Variants in NPNT observed in about 807,000 individuals in gnomAD.
The protein encoded by NPNT is nephronectin, also known as preosteoblast EGF-like repeat protein with MAM domain.
NPNT carries 45 observed loss-of-function variants against 68.6 expected under a neutral mutation model. The observed-to-expected ratio is 0.66, with a 90% CI of 0.52 to 0.84. The LOEUF (loss-of-function observed/expected upper bound fraction) is 0.84, where lower values mean the gene tolerates loss of function less well. Among genes scored for constraint, NPNT ranks in the 40% least tolerant of loss-of-function variants. NPNT has a pLI of 0.00. For synonymous variants in NPNT, 233 were observed against 253.3 expected, an observed-to-expected ratio of 0.92 and a Z score of 0.76; for missense variants, 672 against 714.8, an observed-to-expected ratio of 0.94 and a Z score of 0.68.
At chr4:105,921,131 T>G (rs1728227907) in intron 2 of NPNT, among the ~76,000 whole-genome samples, 1 of 152,220 alleles carries the variant, frequency 6.6e-6, no homozygotes, top group Non-Finnish European at 1.5e-5. Context: ...AAGAAGTATT[T>G]AAGTTATTTA....
chr4:105,898,340 C>CTCTG (rs1726099666), intron 2 of NPNT, among the ~76,000 whole-genome samples: 7 of 134,386 alleles, frequency 5.2e-5, no homozygotes, highest in African/African-American at 9.2e-5. Flanking sequence ...CTCTCTCTCT[C>CTCTG]TCTCTCTCTC....
At chr4:105,907,867 A>C (rs999688646) in intron 2 of NPNT, among the ~76,000 whole-genome samples, 2 of 152,164 alleles carry the variant, frequency 1.3e-5, no homozygotes, top group Non-Finnish European at 2.9e-5. Flanking sequence ...AATTATGGCC[A>C]TAATAGAATT....
chr4:105,940,172 C>T lies in NPNT; in HGVS notation c.603C>T (p.Phe201=), dbSNP rs771820185. The stretch of plus-strand genomic sequence containing the variant: ...ACATCTGCAAGTGTCATAAAGGCTT[C>T]GATCTCATGTATATTGGAGGCAAAT... ...GSYICKCHKG[F]DLMYIGGKYQ... The change falls in exon 6 of 12, where the codon TTC becomes TTT. Residue 201 remains phenylalanine, a synonymous_variant. Transcript: ENST00000379987. The T allele has an allele frequency of 1.2e-6, 2 of 1,613,198 alleles. No individual in the cohort carries two copies. Among genetic ancestry groups the T allele is most frequent in the Non-Finnish European group, 1.7e-6 (2 of 1,179,374 alleles).
chr4:105,949,198 G>A (rs1179559187), intron 8 of NPNT, among the ~76,000 whole-genome samples: 2 of 152,250 alleles, frequency 1.3e-5, no homozygotes, highest in East Asian at 3.9e-4. Context: ...TTAACTGTAG[G>A]ACTTCTCAAT....
Position 105,968,960 on chromosome 4 carries a change from GA to G in NPNT, c.1674del (p.Gly559AlafsTer68). 6.2e-7 allele frequency: 1 copy of G among 1,612,126 alleles called. No individual in the cohort carries two copies. Among genetic ancestry groups the G allele is most frequent in the Non-Finnish European group, 8.5e-7 (1 of 1,178,430 alleles). On this transcript the variant is annotated frameshift_variant, in exon 12 of 12. Transcript: ENST00000379987. LOFTEE classifies it high-confidence loss of function. ...GEIGLDDVSL[K>X]KGHCSEER Reference sequence around the variant, plus strand: ...AGATTGGATTAGATGATGTGAGCTTGAAAAAAGGCCACTGCTCTGAAGAACG... The same window carrying G: ...AGATTGGATTAGATGATGTGAGCTTGAAAAAGGCCACTGCTCTGAAGAACG...
intron 6 of NPNT, 78 bp from the exon 7 acceptor site, chr4:105,940,436 T>C: frequency 7.0e-7 from 1 of 1,436,024 alleles, no homozygotes; most frequent in Non-Finnish European, 9.6e-7. Flanking sequence ...AAAAATCATT[T>C]TTGAAACTGT....
At chr4:105,954,601 A>G (rs1310909132) in intron 8 of NPNT, among the ~76,000 whole-genome samples, 1 of 151,816 alleles carries the variant, frequency 6.6e-6, no homozygotes, top group African/African-American at 2.4e-5. Context: ...GCTCCTGCAC[A>G]CTCTGCCTCT....
rs1420639800 is a variant in NPNT, at chr4:105,930,532, TCAGGCC to T, written c.265+3107_265+3112del. ...GCAGATTAACTTAAACTGTTTTCAT[TCAGGCC>T]CACACATTTTAATAAAGTAGAAAAT... is the stretch of plus-strand genomic sequence containing the variant. On this transcript the variant is annotated intron_variant, in intron 3 of 11. Coordinates refer to ENST00000379987, the MANE Select transcript of NPNT (RefSeq NM_001033047.3). Among the ~76,000 whole-genome samples, 3 of 152,200 alleles carry T rather than the reference TCAGGCC, an allele frequency of 2.0e-5. No individual in the cohort carries two copies. The East Asian group carries it at 5.8e-4, about 29-fold the overall frequency.
chr4:105,909,390 G>C (rs571204457), intron 2 of NPNT, among the ~76,000 whole-genome samples: 3 of 152,272 alleles, frequency 2.0e-5, no homozygotes, highest in Non-Finnish European at 4.4e-5. Flanking sequence ...AAGACATTCT[G>C]ATGTACAGTT....
chr4:105,908,212 A>G (rs1727075102), intron 2 of NPNT, among the ~76,000 whole-genome samples: 1 of 151,880 alleles, frequency 6.6e-6, no homozygotes, highest in South Asian at 2.1e-4. Flanking sequence ...GGTAGATACT[A>G]GATGCCAGGG....
At chr4:105,912,536 A>C (rs1727453823) in intron 2 of NPNT, 1 of 825,100 alleles carries the variant, frequency 1.2e-6, no homozygotes, top group African/African-American at 1.8e-5. Flanking sequence ...TGTTTTTAAT[A>C]CTTAAGGAAG....
At position 105,969,752 on chromosome 4, in the gene NPNT, A is replaced by G. The variant is rs1332323994; in HGVS notation, c.*762A>G. ...AAAAATACATGGTGAAATGTCATCC[A>G]GTTCCATGACCTTATATTGGCAGCA... On this transcript the variant is annotated 3_prime_UTR_variant, in exon 12 of 12. Transcript: ENST00000379987. 6.6e-6 allele frequency: 1 copy of G among 152,330 alleles called. No homozygotes were observed. Among genetic ancestry groups the G allele is most frequent in the Admixed American group, 6.5e-5 (1 of 15,290 alleles). The allele number at this position is 152,330 out of a possible 1,614,324, so 9.4% of individuals were successfully genotyped here.
intron 7 of NPNT, among the ~76,000 whole-genome samples, chr4:105,941,912 A>G (rs1729987045): frequency 1.3e-5 from 2 of 152,038 alleles, no homozygotes; most frequent in African/African-American, 2.4e-5. Flanking sequence ...GATTCTAACT[A>G]TGCATTTCTT....
In NPNT at chr4:105,937,046, G is replaced by A. The variant is rs750249461; in HGVS notation, c.303G>A (p.Lys101=). The A allele has an allele frequency of 1.2e-5, 19 of 1,613,614 alleles. No individual in the cohort carries two copies. Among genetic ancestry groups the A allele is most frequent in the Non-Finnish European group, 1.4e-5 (17 of 1,179,658 alleles). The change falls in exon 4 of 12, where the codon AAG becomes AAA. Residue 101 remains lysine, a synonymous_variant. Coordinates refer to ENST00000379987, the MANE Select transcript of NPNT (RefSeq NM_001033047.3). ...GTGGCCTGAAGCCCCGGCCCTGTAA[G>A]CACAGGTGCATGAACACTTACGGCA... ...NECGLKPRPC[K]HRCMNTYGSY... is the part of the protein sequence containing the mutation.
At chr4:105,948,278 G>A (rs923342281) in intron 8 of NPNT, among the ~76,000 whole-genome samples, 1 of 152,166 alleles carries the variant, frequency 6.6e-6, no homozygotes, top group Admixed American at 6.5e-5. Context: ...GAATTAAGGG[G>A]TTTTAACCAC....
Position 105,897,910 on chromosome 4 carries a change from G to A in NPNT, c.81G>A (p.Arg27=). ...AAAEFDGRWP[R]QIVSSIGLCR... is the part of the protein sequence containing the mutation. The stretch of plus-strand genomic sequence containing the variant: ...TCTTTTTTTTTGGTAGGTGGCCCAG[G>A]CAAATAGTGTCATCGATTGGCCTAT... Residue 27 remains arginine (R), a synonymous_variant, in exon 2 of 12, where the codon AGG becomes AGA. Coordinates refer to ENST00000379987, the MANE Select transcript of NPNT (RefSeq NM_001033047.3). The A allele has an allele frequency of 6.2e-7, 1 of 1,612,788 alleles. No individual in the cohort carries two copies.
Position 105,942,466 on chromosome 4 carries a change from A to G in NPNT, c.923A>G (p.Asn308Ser). 2 of 1,613,974 alleles carry G rather than the reference A, an allele frequency of 1.2e-6. No individual in the cohort carries two copies. Among genetic ancestry groups the G allele is most frequent in the African/African-American group, 1.3e-5 (1 of 74,996 alleles). The stretch of plus-strand genomic sequence containing the variant: ...CCATATATTCCTCCTATCATTACCA[A>G]CAGGCCTACTTCTAAGCCAACAACA... ...KTPYIPPIITNRPTSKPTTRP... is the reference protein window; with the variant it reads ...KTPYIPPIITSRPTSKPTTRP... The change falls in exon 8 of 12, where the codon AAC (asparagine) becomes AGC (serine). Residue 308 changes from asparagine (N) to serine (S), a missense_variant. Physicochemically the swap from Asn to Ser is conservative, Grantham distance 46. Coordinates refer to ENST00000379987, the MANE Select transcript of NPNT (RefSeq NM_001033047.3).
At chr4:105,906,823 G>A (rs998738699) in intron 2 of NPNT, among the ~76,000 whole-genome samples, 1 of 152,126 alleles carries the variant, frequency 6.6e-6, no homozygotes, top group Non-Finnish European at 1.5e-5. Context: ...TATCAATTTT[G>A]TATCCATTGG....
At chr4:105,898,115 G>A in intron 2 of NPNT, 114 bp downstream of exon 2, 2 of 671,700 alleles carry the variant, frequency 3.0e-6, no homozygotes, top group Non-Finnish European at 5.0e-6. Context: ...TGGCCTTGCA[G>A]GTCTGACTTG....
Sources: gnomAD v4.1 joint callset for allele counts (sites outside exome capture counted in the v4.1 genomes callset) on GRCh38, gnomAD v4.1.1 for gene constraint, MANE v1.5 for transcripts, NCBI Gene and HGNC (gene_info 2026-07-23, HGNC 2026-07-21) for gene names.